TNFRSF11B: variants seen among roughly 807,000 people sequenced by gnomAD.
TNFRSF11B encodes TNF receptor superfamily member 11b.
A neutral mutation model predicts 43.4 loss-of-function variants in TNFRSF11B; 16 were observed. The observed-to-expected ratio is 0.37, with a 90% CI of 0.25 to 0.56. The LOEUF is 0.56. Among genes scored for constraint, TNFRSF11B ranks in the 20% least tolerant of loss-of-function variants. The pLI is 0.80. For synonymous variants in TNFRSF11B, 185 were observed against 181.8 expected (o/e 1.02, Z -0.14); for missense variants, 444 against 490.1 (o/e 0.91, Z 0.89).
intron 1 of TNFRSF11B, among the ~76,000 whole-genome samples, chr8:118,940,172 G>T (rs943426175): frequency 6.6e-6 from 1 of 152,260 alleles, no homozygotes; most frequent in East Asian, 1.9e-4. Flanking sequence ...ACACACCAGG[G>T]CCTGTCGTGG....
chr8:118,939,904 C>G (rs1220735512), intron 1 of TNFRSF11B, among the ~76,000 whole-genome samples: 1 of 151,940 alleles, frequency 6.6e-6, no homozygotes, highest in Non-Finnish European at 1.5e-5. Flanking sequence ...ATTTGGTGAG[C>G]TAGGATGAAA....
At chr8:118,949,996 CAT>C (rs908560838) in intron 1 of TNFRSF11B, among the ~76,000 whole-genome samples, 21 of 152,308 alleles carry the variant, frequency 1.4e-4, no homozygotes, top group African/African-American at 5.1e-4. Context: ...GTGTTCAAGA[CAT>C]ATACGAAGTC....
intron 1 of TNFRSF11B, among the ~76,000 whole-genome samples, chr8:118,938,326 G>C (rs1586957893): frequency 6.6e-6 from 1 of 152,054 alleles, no homozygotes; most frequent in Non-Finnish European, 1.5e-5. Context: ...AAGCAACTCT[G>C]TGCCAGACAG....
At chr8:118,945,037 T>G (rs1421364847) in intron 1 of TNFRSF11B, among the ~76,000 whole-genome samples, 1 of 151,906 alleles carries the variant, frequency 6.6e-6, no homozygotes, top group Non-Finnish European at 1.5e-5. Flanking sequence ...AAAAGAATAA[T>G]TTTTGACTCT....
chr8:118,926,617 C>T lies in TNFRSF11B; in HGVS notation c.694G>A (p.Val232Ile), dbSNP rs756823120. The change falls in exon 4 of 5, where the codon GTA becomes ATA. Residue 232 changes from valine (V) to isoleucine (I), a missense_variant. Physicochemically the swap from Val to Ile is conservative, Grantham distance 29. Coordinates refer to ENST00000297350, the MANE Select transcript of TNFRSF11B (RefSeq NM_002546.4). ...ATCCTCTCTACACTCTCTGCGTTTA[C>T]TTTGGTGCCAGGCAAATTGTCTACC... ...VLVDNLPGTKVNAESVERIKR... is the reference protein window; with the variant it reads ...VLVDNLPGTKINAESVERIKR... The T allele has an allele frequency of 6.2e-7, 1 of 1,613,964 alleles. No individual in the cohort carries two copies. The highest frequency in any genetic ancestry group is 8.5e-7 in the Non-Finnish European group (1 of 1,180,002).
intron 2 of TNFRSF11B, among the ~76,000 whole-genome samples, chr8:118,932,122 T>C (rs1812338530): frequency 6.6e-6 from 1 of 152,240 alleles, no homozygotes; most frequent in Non-Finnish European, 1.5e-5. Context: ...TGATTACTTC[T>C]TCCATCTAAG....
chr8:118,936,945 A>G (rs995140926), intron 1 of TNFRSF11B, among the ~76,000 whole-genome samples: 1 of 152,176 alleles, frequency 6.6e-6, no homozygotes, highest in Non-Finnish European at 1.5e-5. Flanking sequence ...ATCATTTTGT[A>G]TAGACCACTT....
At chr8:118,925,227 G>A (rs1225585233) in intron 4 of TNFRSF11B, among the ~76,000 whole-genome samples, 1 of 152,210 alleles carries the variant, frequency 6.6e-6, no homozygotes, top group African/African-American at 2.4e-5. Context: ...CCTCCATGAG[G>A]AGGATATCTG....
At chr8:118,935,039 C>T (rs949243669) in intron 1 of TNFRSF11B, among the ~76,000 whole-genome samples, 2 of 152,168 alleles carry the variant, frequency 1.3e-5, no homozygotes, top group Non-Finnish European at 2.9e-5. Flanking sequence ...GACCTCTTCA[C>T]AGAGACAATT....
At chr8:118,927,599 G>C (rs1271021092) in intron 3 of TNFRSF11B, among the ~76,000 whole-genome samples, 1 of 120,644 alleles carries the variant, frequency 8.3e-6, no homozygotes, top group Non-Finnish European at 1.7e-5. Flanking sequence ...AAAATGGCTT[G>C]TCTATGATTT....
At chr8:118,930,507 G>A (rs1414205363) in intron 2 of TNFRSF11B, 3 of 205,482 alleles carry the variant, frequency 1.5e-5, no homozygotes, top group East Asian at 2.5e-4. Flanking sequence ...CGCCTCCAGG[G>A]TTCAAGAGAT....
At chr8:118,943,170 A>G (rs540517096) in intron 1 of TNFRSF11B, among the ~76,000 whole-genome samples, 1 of 152,170 alleles carries the variant, frequency 6.6e-6, no homozygotes, top group Non-Finnish European at 1.5e-5. Flanking sequence ...TTCCTTTTCT[A>G]TGTTACTCAT....
chr8:118,928,812 A>T lies in TNFRSF11B; in HGVS notation c.518T>A (p.Leu173Gln). Reference sequence around the variant, plus strand: ...GTGTGTTGCATTTCCTTTCTGAGTTAGCAGGAGACCAAAGACACTGCAATT... The same window carrying T: ...GTGTGTTGCATTTCCTTTCTGAGTTTGCAGGAGACCAAAGACACTGCAATT... ...HTNCSVFGLLLTQKGNATHDN... is the reference protein window; with the variant it reads ...HTNCSVFGLLQTQKGNATHDN... The change falls in exon 3 of 5, where the codon CTA (leucine) becomes CAA (glutamine). Residue 173 changes from leucine to glutamine, a missense_variant. Physicochemically the swap from Leu to Gln is moderately radical, Grantham distance 113 (BLOSUM62 -2). Coordinates refer to ENST00000297350, the MANE Select transcript of TNFRSF11B (RefSeq NM_002546.4). The T allele has an allele frequency of 6.2e-7, 1 of 1,614,188 alleles. No individual in the cohort carries two copies. The highest frequency in any genetic ancestry group is 8.5e-7 in the Non-Finnish European group (1 of 1,180,032).
chr8:118,950,165 C>T (rs575907374), intron 1 of TNFRSF11B, among the ~76,000 whole-genome samples: 1 of 152,140 alleles, frequency 6.6e-6, no homozygotes, highest in South Asian at 2.1e-4. Context: ...TGAAATTTAA[C>T]TCATTGCTAG....
intron 2 of TNFRSF11B, 72 bp downstream of exon 2, chr8:118,932,859 T>G: frequency 1.3e-6 from 2 of 1,597,772 alleles, no homozygotes; most frequent in Admixed American, 1.7e-5. Context: ...AGAACAAAAG[T>G]GTTCTCCTAA....
At chr8:118,934,501 GGCCTGT>G (rs1399103707) in intron 1 of TNFRSF11B, among the ~76,000 whole-genome samples, 4 of 152,180 alleles carry the variant, frequency 2.6e-5, no homozygotes, top group African/African-American at 9.7e-5. Flanking sequence ...GGCAGGAAGA[GGCCTGT>G]GCAGTAGGGG....
At chr8:118,932,064 G>A (rs1458658473) in intron 2 of TNFRSF11B, among the ~76,000 whole-genome samples, 2 of 152,172 alleles carry the variant, frequency 1.3e-5, no homozygotes, top group Non-Finnish European at 2.9e-5. Flanking sequence ...TATCAGCAGG[G>A]CTTCAGTTGA....
intron 4 of TNFRSF11B, 126 bp from the exon 5 acceptor site, chr8:118,924,888 C>A (rs1563687794): frequency 9.1e-6 from 11 of 1,205,420 alleles, no homozygotes; most frequent in South Asian, 1.3e-5. Context: ...ATAACCTTTT[C>A]TTTTGAGAGG....
At chr8:118,930,866 T>C (rs1004542036) in intron 2 of TNFRSF11B, 16 of 364,502 alleles carry the variant, frequency 4.4e-5, no homozygotes, top group Middle Eastern at 4.5e-4. Flanking sequence ...AACTAATGTT[T>C]CATAATATAT....
Sources: allele counts gnomAD v4.1 joint callset (sites outside exome capture counted in the v4.1 genomes callset), GRCh38; gene constraint gnomAD v4.1.1; transcripts MANE v1.5; gene names NCBI Gene and HGNC (gene_info 2026-07-23, HGNC 2026-07-21).